GPC6: variants seen among roughly 807,000 people sequenced by gnomAD.
GPC6 encodes the protein glypican-6.
A neutral mutation model predicts 55.2 loss-of-function variants in GPC6; 14 were observed. The ratio of observed to expected loss-of-function variants is 0.25; its 90% confidence interval spans 0.17 to 0.40. The LOEUF is 0.40. GPC6 is among the 10% of genes least tolerant of loss of function. The probability of loss-of-function intolerance (pLI) is 1.00; values close to 1 mark genes in which losing one functional copy is unlikely to be tolerated. For synonymous variants in GPC6, 278 were observed against 259.6 expected (o/e 1.07, Z -0.68); for missense variants, 641 against 708.5 (o/e 0.90, Z 1.08).
intron 1 of GPC6, among the ~76,000 whole-genome samples, chr13:93,436,976 G>A (rs1877596388): frequency 1.3e-5 from 2 of 151,860 alleles, no homozygotes; most frequent in African/African-American, 4.8e-5. Context: ...AACAGAATAT[G>A]ATTAATTTGT....
chr13:93,866,755 A>C (rs1888978138), intron 3 of GPC6, among the ~76,000 whole-genome samples: 1 of 151,656 alleles, frequency 6.6e-6, no homozygotes, highest in African/African-American at 2.4e-5. Context: ...AATCAGGAAA[A>C]ATAATTAATG....
chr13:93,673,154 G>A (rs1183463261), intron 2 of GPC6, among the ~76,000 whole-genome samples: 1 of 152,050 alleles, frequency 6.6e-6, no homozygotes, highest in Non-Finnish European at 1.5e-5. Flanking sequence ...AACCCAACAG[G>A]CAAGAAGGAG....
chr13:94,270,157 T>A (rs1262615118), intron 4 of GPC6, among the ~76,000 whole-genome samples: 1 of 152,234 alleles, frequency 6.6e-6, no homozygotes, highest in Non-Finnish European at 1.5e-5. Context: ...TATACCTAAG[T>A]GTATGTTTGA....
Position 93,450,806 on chromosome 13 carries a change from G to A in GPC6, c.161-94457G>A, listed in dbSNP as rs1028163807. On this transcript the variant is annotated intron_variant, in intron 1 of 8. Transcript: ENST00000377047. Reference sequence around the variant, plus strand: ...GAAAGATCTTGTAAGCCATGACAAGGAATTTGTATTTTATCCTGAGGACAT... The same window carrying A: ...GAAAGATCTTGTAAGCCATGACAAGAAATTTGTATTTTATCCTGAGGACAT... 4 of 566,162 alleles carry A rather than the reference G, an allele frequency of 7.1e-6. No individual in the cohort carries two copies. In the Admixed American group the frequency reaches 1.9e-4, roughly 27 times the overall value. 35.1% of individuals were successfully genotyped at this position (566,162 alleles called of 1,614,324 possible).
At chr13:94,298,375 G>A (rs1405222494) in intron 5 of GPC6, among the ~76,000 whole-genome samples, 1 of 152,166 alleles carries the variant, frequency 6.6e-6, no homozygotes, top group Non-Finnish European at 1.5e-5. Flanking sequence ...AAAGGCCCTA[G>A]CTCTGTGCTT....
At chr13:93,655,109 A>ATCCACCCGCCTCGGCCTCCTG (rs1296286513) in intron 2 of GPC6, among the ~76,000 whole-genome samples, 6 of 149,058 alleles carry the variant, frequency 4.0e-5, no homozygotes, top group Non-Finnish European at 8.9e-5. Context: ...TCGGCCTCCT[A>ATCCACCCGCCTCGGCCTCCTG]AAGTGCTGGG....
chr13:93,763,068 C>T, intron 2 of GPC6, among the ~76,000 whole-genome samples: 1 of 152,112 alleles, frequency 6.6e-6, no homozygotes, highest in South Asian at 2.1e-4. Flanking sequence ...CAGTTATTTC[C>T]CAAATTCTCC....
intron 2 of GPC6, among the ~76,000 whole-genome samples, chr13:93,668,307 T>A (rs1317779585): frequency 6.6e-6 from 1 of 152,222 alleles, no homozygotes; most frequent in Non-Finnish European, 1.5e-5. Flanking sequence ...CCTTTAATTG[T>A]GTAAAAAGTT....
In GPC6 at chr13:93,227,729, G is replaced by C. The variant is rs1281802221; in HGVS notation, c.160+113G>C. ...GTTGCTGAGTTGGTGCTCACTTTCT[G>C]CCACCGCTATGGGACTCCGCGTCTC... On this transcript the variant is annotated intron_variant, in intron 1 of 8. Coordinates refer to ENST00000377047, the MANE Select transcript of GPC6 (RefSeq NM_005708.5). This position sits in a 1 kb window ranked among gnomAD's most constrained non-coding sequence, Gnocchi z 4.3. 1 of 816,182 alleles carries C rather than the reference G, an allele frequency of 1.2e-6. No individual in the cohort carries two copies. Among genetic ancestry groups the C allele is most frequent in the Non-Finnish European group, 1.9e-6 (1 of 520,978 alleles). 50.6% of individuals were successfully genotyped at this position (816,182 alleles called of 1,614,324 possible).
intron 3 of GPC6, among the ~76,000 whole-genome samples, chr13:93,833,061 A>AGATGGATGGATG (rs370453050): frequency 4.8e-5 from 7 of 146,202 alleles, no homozygotes; most frequent in African/African-American, 1.9e-4. Context: ...GTAGAGAGAT[A>AGATGGATGGATG]GATGGATGGA....
At chr13:94,348,949 G>A (rs1000046710) in intron 6 of GPC6, among the ~76,000 whole-genome samples, 1 of 152,064 alleles carries the variant, frequency 6.6e-6, no homozygotes, top group East Asian at 1.9e-4. Flanking sequence ...TCAGTCTCAG[G>A]TACTCCCTTC....
intron 3 of GPC6, among the ~76,000 whole-genome samples, chr13:94,020,379 A>G (rs1449665134): frequency 6.6e-6 from 1 of 152,098 alleles, no homozygotes; most frequent in Non-Finnish European, 1.5e-5. Flanking sequence ...CAAATTTAAG[A>G]CTTGAAATTT....
rs959902839 is a variant in GPC6 at position 94,143,272 on chromosome 13, C to T, written c.877+115378C>T. Among the ~76,000 whole-genome samples the T allele has an allele frequency of 1.1e-4, 16 of 152,104 alleles. No individual in the cohort carries two copies. The East Asian group carries it at 1.2e-3, about 11-fold the overall frequency. ...TAGGAAGTTTAGCTGTGTTATTTTTCGTTGGACTTTTTATTACCAGCAAAA... is the reference window on the plus strand; with the variant it reads ...TAGGAAGTTTAGCTGTGTTATTTTTTGTTGGACTTTTTATTACCAGCAAAA... On this transcript the variant is annotated intron_variant, in intron 4 of 8. Transcript: ENST00000377047.
chr13:93,664,208 G>C (rs1009190754), intron 2 of GPC6, among the ~76,000 whole-genome samples: 1 of 152,080 alleles, frequency 6.6e-6, no homozygotes, highest in African/African-American at 2.4e-5. Context: ...TAATAAGGTA[G>C]GGAGCAATTC....
intron 4 of GPC6, among the ~76,000 whole-genome samples, chr13:94,231,923 C>CA (rs1890741282): frequency 1.3e-5 from 2 of 151,460 alleles, no homozygotes; most frequent in Admixed American, 6.6e-5. Context: ...TTATTCTGAT[C>CA]AAAAAAGAAA....
intron 6 of GPC6, among the ~76,000 whole-genome samples, chr13:94,322,193 G>A (rs1035317476): frequency 7.9e-5 from 12 of 152,188 alleles, no homozygotes; most frequent in African/African-American, 2.2e-4. Flanking sequence ...GGTTTTATAA[G>A]AGGTTTCCCC....
chr13:93,513,986 G>T (rs2590520), intron 1 of GPC6, among the ~76,000 whole-genome samples: 142,243 of 150,822 alleles, frequency 0.94, 67,621 homozygotes, highest in East Asian at 1. Context: ...CGATTGTCCT[G>T]CCTCAGCCTC....
chr13:93,734,496 C>G (rs1052643957), intron 2 of GPC6, among the ~76,000 whole-genome samples: 4 of 152,120 alleles, frequency 2.6e-5, no homozygotes, highest in African/African-American at 9.7e-5. Flanking sequence ...ACTCCCTGTT[C>G]CATCACTGGG....
At chr13:94,205,226 C>T (rs150191205) in intron 4 of GPC6, among the ~76,000 whole-genome samples, 1,656 of 152,268 alleles carry the variant, frequency 0.011, 20 homozygotes, top group Non-Finnish European at 0.016. Flanking sequence ...CACTGCTAAT[C>T]AGATTCCAAC....
Sources: gnomAD v4.1 joint callset for allele counts (sites outside exome capture counted in the v4.1 genomes callset) on GRCh38, gnomAD v4.1.1 for gene constraint, Gnocchi (gnomAD v3.1) non-coding constraint, MANE v1.5 for transcripts, NCBI Gene and HGNC (gene_info 2026-07-23, HGNC 2026-07-21) for gene names.